Variants in XKR9 observed in about 807,000 individuals in gnomAD.
XKR9 encodes XK-related protein 9.
A neutral mutation model predicts 32.0 loss-of-function variants in XKR9; 32 were observed. The observed-to-expected ratio is 1.00, with a 90% CI of 0.76 to 1.34. The LOEUF is 1.34. XKR9 is among the 40% of genes most tolerant of loss of function. The pLI, the probability that XKR9 is intolerant of heterozygous loss-of-function variation, is 0.00. For missense variants in XKR9, 546 were observed against 429.7 expected, an observed-to-expected ratio of 1.27 and a Z score of -2.39; for synonymous variants, 168 against 143.4, an observed-to-expected ratio of 1.17 and a Z score of -1.22.
chr8:70,885,033 T>C, the XKR9 span, among the ~76,000 whole-genome samples: 2 of 152,174 alleles, frequency 1.3e-5, no homozygotes, highest in Non-Finnish European at 2.9e-5. Context: ...ATTTGTTTAG[T>C]ACTTGTTTTA....
At chr8:71,023,001 TTTTTC>T in the XKR9 span, among the ~76,000 whole-genome samples, 1 of 152,180 alleles carries the variant, frequency 6.6e-6, no homozygotes, top group Non-Finnish European at 1.5e-5. Context: ...CCTTAATTGT[TTTTTC>T]TGCTTTCTTT....
rs573010021 is a variant in XKR9, at chr8:70,785,799, A to G, written n.353-3540A>G. On this transcript the variant is annotated intron_variant and non_coding_transcript_variant, in intron 2 of 3. Coordinates refer to the XKR9 transcript ENST00000520273. ...TGTATATATATATGTATGTATATAT[A>G]CTTACATACAACATACCTAAATTTA... 1.6e-4 allele frequency among the ~76,000 whole-genome samples: 24 copies of G among 148,702 alleles called. No homozygotes were observed. The South Asian group carries it at 3.6e-3, about 22-fold the overall frequency.
chr8:70,778,760 G>T (rs1320515226), intron 2 of XKR9, among the ~76,000 whole-genome samples: 2 of 152,112 alleles, frequency 1.3e-5, no homozygotes, highest in Non-Finnish European at 2.9e-5. Context: ...GTCTGTTATT[G>T]GTGTATAGGG....
the XKR9 span, among the ~76,000 whole-genome samples, chr8:71,050,085 T>C: frequency 6.6e-6 from 1 of 151,982 alleles, no homozygotes; most frequent in Non-Finnish European, 1.5e-5. Flanking sequence ...GGCATCATTG[T>C]TCTCTGGCTG....
At chr8:70,888,035 A>G in the XKR9 span, among the ~76,000 whole-genome samples, 1 of 152,096 alleles carries the variant, frequency 6.6e-6, no homozygotes, top group Non-Finnish European at 1.5e-5. Context: ...GCTTTTGCCC[A>G]TTCAGTATGA....
At chr8:70,765,634 C>T (rs1348719046) in intron 2 of XKR9, among the ~76,000 whole-genome samples, 11 of 152,158 alleles carry the variant, frequency 7.2e-5, no homozygotes, top group Admixed American at 7.2e-4. Context: ...TCAATTTTGG[C>T]TTGCGTTGCA....
At chr8:71,000,748 T>C in the XKR9 span, among the ~76,000 whole-genome samples, 1 of 152,176 alleles carries the variant, frequency 6.6e-6, no homozygotes, top group Non-Finnish European at 1.5e-5. Flanking sequence ...GTGTTTGCCA[T>C]GCTCAGATCT....
At chr8:71,026,199 C>T in the XKR9 span, among the ~76,000 whole-genome samples, 1 of 152,146 alleles carries the variant, frequency 6.6e-6, no homozygotes, top group Non-Finnish European at 1.5e-5. Context: ...TCAATTTGTC[C>T]AAACTGTGTT....
At chr8:70,925,678 TAAG>T in the XKR9 span, among the ~76,000 whole-genome samples, 2 of 152,104 alleles carry the variant, frequency 1.3e-5, no homozygotes, top group African/African-American at 4.8e-5. Context: ...AACTAAGAGT[TAAG>T]AGGAGGATAA....
At chr8:70,977,431 G>T in the XKR9 span, among the ~76,000 whole-genome samples, 3 of 152,166 alleles carry the variant, frequency 2.0e-5, no homozygotes, top group Non-Finnish European at 4.4e-5. Context: ...GTGTCCCAGA[G>T]ATTATGGTAC....
chr8:71,063,516 T>C, the XKR9 span, among the ~76,000 whole-genome samples: 3 of 151,724 alleles, frequency 2.0e-5, no homozygotes, highest in Non-Finnish European at 4.4e-5. Flanking sequence ...ATTGGCTTCC[T>C]GTATTTCATC....
At chr8:70,895,955 C>T in the XKR9 span, among the ~76,000 whole-genome samples, 111 of 152,186 alleles carry the variant, frequency 7.3e-4, no homozygotes, top group African/African-American at 2.5e-3. Flanking sequence ...CTGCGGTGAG[C>T]TGAGATCGCA....
chr8:70,808,354 C>T, the XKR9 span, among the ~76,000 whole-genome samples: 1 of 152,260 alleles, frequency 6.6e-6, no homozygotes, highest in Admixed American at 6.5e-5. Context: ...CTCCAGTCTA[C>T]AGCTCCCAGC....
the XKR9 span, among the ~76,000 whole-genome samples, chr8:70,797,384 C>G: frequency 6.6e-6 from 1 of 152,086 alleles, no homozygotes; most frequent in Non-Finnish European, 1.5e-5. Flanking sequence ...CTTCTAAGTG[C>G]CCGCCTCTAC....
chr8:70,912,237 G>T, the XKR9 span, among the ~76,000 whole-genome samples: 1 of 152,096 alleles, frequency 6.6e-6, no homozygotes, highest in African/African-American at 2.4e-5. Flanking sequence ...ACAGAAGACT[G>T]CTTGAAAACA....
At chr8:70,672,768 AG>A (rs199515711) in intron 1 of XKR9, among the ~76,000 whole-genome samples, 2,698 of 152,288 alleles carry the variant, frequency 0.018, 39 homozygotes, top group South Asian at 0.043. Context: ...AACTGGGGTA[AG>A]ATGATATCTC....
chr8:70,996,317 T>C, the XKR9 span, among the ~76,000 whole-genome samples: 2 of 152,214 alleles, frequency 1.3e-5, no homozygotes, highest in African/African-American at 4.8e-5. Context: ...AATGTCTTTT[T>C]ATTTATCTTC....
At chr8:70,901,878 G>T in the XKR9 span, among the ~76,000 whole-genome samples, 1 of 152,068 alleles carries the variant, frequency 6.6e-6, no homozygotes, top group Non-Finnish European at 1.5e-5. Context: ...TCTACATAAG[G>T]CTAGCCAGTT....
chr8:70,850,047 G>A, the XKR9 span, among the ~76,000 whole-genome samples: 420 of 152,038 alleles, frequency 2.8e-3, 5 homozygotes, highest in African/African-American at 9.6e-3. Context: ...GGTACAAAGA[G>A]GAGCTGGTAC....
Sources: gnomAD v4.1 joint callset for allele counts (sites outside exome capture counted in the v4.1 genomes callset) on GRCh38, gnomAD v4.1.1 for gene constraint, MANE v1.5 for transcripts, NCBI Gene and HGNC (gene_info 2026-07-23, HGNC 2026-07-21) for gene names.